Variants in GON4L observed in about 807,000 individuals in gnomAD.
GON4L encodes the protein gon-4 like, also known as GON-4-like protein.
A neutral mutation model predicts 211.8 loss-of-function variants in GON4L; 87 were observed. The ratio of observed to expected loss-of-function variants is 0.41; its 90% CI spans 0.35 to 0.49. The LOEUF (loss-of-function observed/expected upper bound fraction) is 0.49. Ranked by LOEUF, GON4L falls within the 20% of genes least tolerant of loss-of-function variation. The probability of loss-of-function intolerance (pLI) is 0.15; values close to 1 mark genes in which losing one functional copy is unlikely to be tolerated. For synonymous variants in GON4L, 875 were observed against 962.6 expected (o/e 0.91, Z 1.68); for missense variants, 2,155 against 2,659.5 (o/e 0.81, Z 4.17).
At chr1:155,803,186 A>G (rs1008521897) in intron 11 of GON4L, among the ~76,000 whole-genome samples, 1 of 151,862 alleles carries the variant, frequency 6.6e-6, no homozygotes, top group African/African-American at 2.4e-5. Context: ...TCTTTCATTC[A>G]CTTATCCTGA....
At chr1:155,774,407 C>CAA (rs1663552190) in intron 17 of GON4L, among the ~76,000 whole-genome samples, 1 of 150,292 alleles carries the variant, frequency 6.7e-6, no homozygotes. Flanking sequence ...CTCCTGGGTT[C>CAA]AAGCGATTCT....
intron 1 of GON4L, among the ~76,000 whole-genome samples, chr1:155,854,826 A>G (rs1293269249): frequency 1.3e-5 from 2 of 152,146 alleles, no homozygotes; most frequent in Non-Finnish European, 2.9e-5. Context: ...ACCTGAGGTC[A>G]GGAGTTCGAG....
intron 23 of GON4L, among the ~76,000 whole-genome samples, chr1:155,761,572 T>C (rs1305165261): frequency 6.6e-6 from 1 of 150,760 alleles, no homozygotes; most frequent in Admixed American, 6.6e-5. Flanking sequence ...CTCGGCTCAC[T>C]GCAAACTCCG....
rs762048597 is a variant in GON4L, at chr1:155,765,820, G to T, written c.3653C>A (p.Pro1218Gln). ...GTGGGCCTTATCTTCAGGGGTGGAT[G>T]GTATAGGAAGATTCACAGAATTGCC... Reference protein sequence around the residue: ...VSGNSVNLPIPSTPEDKAHVN... With the variant: ...VSGNSVNLPIQSTPEDKAHVN... Residue 1218 changes from proline to glutamine, a missense_variant, in exon 21 of 32, where the codon CCA becomes CAA. Pro to Gln is a moderately conservative substitution (Grantham distance 76, BLOSUM62 -1). Coordinates refer to ENST00000368331, the MANE Select transcript of GON4L (RefSeq NM_001282860.2). The T allele has an allele frequency of 1.9e-6, 3 of 1,614,150 alleles. No homozygotes were observed. In the South Asian group the frequency reaches 3.3e-5, roughly 18 times the overall value.
At chr1:155,772,674 C>T (rs1039849867) in intron 18 of GON4L, among the ~76,000 whole-genome samples, 4 of 151,958 alleles carry the variant, frequency 2.6e-5, no homozygotes, top group East Asian at 1.9e-4. Flanking sequence ...GTGCAAGGAT[C>T]GCTTGATGTC....
At chr1:155,748,683 G>A, downstream of GON4L, 1 of 1,613,696 alleles carries the variant, frequency 6.2e-7, no homozygotes, top group Non-Finnish European at 8.5e-7. Flanking sequence ...GCAGTTTGGA[G>A]GAGCCACCCC....
chr1:155,844,311 A>G (rs557223719), intron 2 of GON4L, among the ~76,000 whole-genome samples: 2 of 152,344 alleles, frequency 1.3e-5, no homozygotes, highest in East Asian at 3.9e-4. Context: ...TGAAAAAGGT[A>G]GAGTCTGCAC....
intron 21 of GON4L, chr1:155,764,640 C>G (rs892904697): frequency 7.6e-6 from 4 of 524,712 alleles, no homozygotes; most frequent in African/African-American, 5.8e-5. Context: ...GGGGTTTTAC[C>G]ACGTCGGCCA....
intron 13 of GON4L, chr1:155,784,746 T>C (rs188809903): frequency 5.9e-6 from 1 of 169,408 alleles, no homozygotes; most frequent in African/African-American, 2.4e-5. Flanking sequence ...AGGTAATTAT[T>C]TGTACACAAA....
At position 155,809,514 on chromosome 1, in the gene GON4L, T is replaced by TAATTATATACTTATATATACTTATA. The variant is rs1553210455; in HGVS notation, c.1452+4119_1452+4120insTATAAGTATATATAAGTATATAATT. Among the ~76,000 whole-genome samples the TAATTATATACTTATATATACTTATA allele has an allele frequency of 1.8e-3, 261 of 146,618 alleles. 2 individuals carry two copies. The highest frequency in any genetic ancestry group is 6.2e-3 in the African/African-American group (251 of 40,378). ...GCTATTCCATTCAATATTCTATTTT[T>TAATTATATACTTATATATACTTATA]AATTATATACTTATATATAATTATA... On this transcript the variant is annotated intron_variant, in intron 10 of 31. Coordinates refer to ENST00000368331, the MANE Select transcript of GON4L (RefSeq NM_001282860.2).
chr1:155,816,125 C>A, intron 7 of GON4L, 87 bp downstream of exon 7: 1 of 739,166 alleles, frequency 1.4e-6, no homozygotes, highest in South Asian at 1.5e-5. Flanking sequence ...AAAGATTGAT[C>A]AAGAAAAGTT....
At chr1:155,797,668 A>C (rs1666200307) in intron 11 of GON4L, among the ~76,000 whole-genome samples, 1 of 143,634 alleles carries the variant, frequency 7.0e-6, no homozygotes. Context: ...ACATGGTGAG[A>C]CCCCCCCCCT....
chr1:155,757,281 G>T lies in GON4L; in HGVS notation c.5296C>A (p.Leu1766Met). 6.2e-7 allele frequency: 1 copy of T among 1,613,928 alleles called. No homozygotes were observed. Among genetic ancestry groups the T allele is most frequent in the Non-Finnish European group, 8.5e-7 (1 of 1,179,840 alleles). The change falls in exon 26 of 32, where the codon CTG becomes ATG. Residue 1766 changes from leucine (L) to methionine (M), a missense_variant. Leu to Met is a conservative substitution (Grantham distance 15). Coordinates refer to ENST00000368331, the MANE Select transcript of GON4L (RefSeq NM_001282860.2). ...AAGAAGATAGAAAACTCATCCTGCA[G>T]GTGGTCGTGGCCCTTGAGGAGCTGC... ...MWQLLKGHDH[L>M]QDEFSIFFDH...
chr1:155,778,164 TCTC>T (rs1310963789), intron 14 of GON4L, among the ~76,000 whole-genome samples: 1 of 152,094 alleles, frequency 6.6e-6, no homozygotes, highest in African/African-American at 2.4e-5. Context: ...TCTCATTTCT[TCTC>T]TCATTTACTT....
chr1:155,750,765 CTTTT>C (rs58764354), intron 31 of GON4L, 32 bp from the exon 32 acceptor site: 50 of 1,373,488 alleles, frequency 3.6e-5, no homozygotes, highest in East Asian at 1.4e-4. Context: ...ATTCACTGGT[CTTTT>C]TTTTTTGTTT....
intron 2 of GON4L, among the ~76,000 whole-genome samples, chr1:155,827,289 G>T (rs1382868453): frequency 6.6e-6 from 1 of 152,058 alleles, no homozygotes; most frequent in Non-Finnish European, 1.5e-5. Flanking sequence ...TGAAAAATCA[G>T]ACTTGTAAAG....
intron 11 of GON4L, among the ~76,000 whole-genome samples, chr1:155,801,104 C>T (rs1178625276): frequency 8.1e-5 from 9 of 111,614 alleles, no homozygotes; most frequent in Non-Finnish European, 1.6e-4. Flanking sequence ...ATAAATCTTG[C>T]TGCTGCTCAA....
Position 155,822,294 on chromosome 1 carries a change from T to C in GON4L, c.880A>G (p.Ile294Val). The C allele has an allele frequency of 6.2e-7, 1 of 1,612,886 alleles. No individual in the cohort carries two copies. Among genetic ancestry groups the C allele is most frequent in the Non-Finnish European group, 8.5e-7 (1 of 1,178,830 alleles). ...GCCCCAGTCTTACTCACATGAAGGATGTTTCGGACATTGACTGCTGTTAGA... is the reference window on the plus strand; with the variant it reads ...GCCCCAGTCTTACTCACATGAAGGACGTTTCGGACATTGACTGCTGTTAGA... Reference protein sequence around the residue: ...HNLTAVNVRNILHEVITNEHV... With the variant: ...HNLTAVNVRNVLHEVITNEHV... The change falls in exon 4 of 32, where the codon ATC becomes GTC. Residue 294 changes from isoleucine to valine, a missense_variant. Ile to Val is a conservative substitution (Grantham distance 29). Transcript: ENST00000368331.
intron 2 of GON4L, among the ~76,000 whole-genome samples, chr1:155,829,464 G>C (rs996514883): frequency 6.6e-6 from 1 of 152,070 alleles, no homozygotes; most frequent in Non-Finnish European, 1.5e-5. Context: ...AAATTAGCCA[G>C]CCGTGGTGGC....
Sources: gnomAD v4.1 joint callset for allele counts (sites outside exome capture counted in the v4.1 genomes callset) on GRCh38, gnomAD v4.1.1 for gene constraint, MANE v1.5 for transcripts, NCBI Gene and HGNC (gene_info 2026-07-23, HGNC 2026-07-21) for gene names.